The following LRRN3 variants were observed in gnomAD, a reference collection of about 807,000 sequenced individuals.
LRRN3 encodes the protein leucine-rich repeat neuronal protein 3.
LRRN3 carries 15 observed loss-of-function variants against 40.1 expected under a neutral mutation model. The ratio of observed to expected loss-of-function variants is 0.37; its 90% confidence interval spans 0.25 to 0.58. The LOEUF (loss-of-function observed/expected upper bound fraction) is 0.58. Ranked by LOEUF, LRRN3 falls within the 20% of genes least tolerant of loss-of-function variation. The pLI, the probability that LRRN3 is intolerant of heterozygous loss-of-function variation, is 0.72. For missense variants in LRRN3, 746 were observed against 837.7 expected, an observed-to-expected ratio of 0.89 and a Z score of 1.35; for synonymous variants, 308 against 297.2, an observed-to-expected ratio of 1.04 and a Z score of -0.37.
chr7:111,124,449 G>T lies in LRRN3; in HGVS notation c.1677G>T (p.Lys559Asn), dbSNP rs778004295. 2.5e-6 allele frequency: 4 copies of T among 1,613,724 alleles called. No individual in the cohort carries two copies. The highest frequency in any genetic ancestry group is 1.3e-5 in the African/African-American group (1 of 74,898). Residue 559 changes from lysine (K) to asparagine (N), a missense_variant, in exon 3 of 3, where the codon AAG becomes AAT. Physicochemically the swap from Lys to Asn is moderately conservative, Grantham distance 94. Coordinates refer to ENST00000308478, the MANE Select transcript of LRRN3 (RefSeq NM_001099658.2). The stretch of plus-strand genomic sequence containing the variant: ...GTGTTAAATGGACAGCCTTTGTCAA[G>T]ACTGAAAATTCTCATGCTGCGCAAA... ...KSSVKWTAFV[K>N]TENSHAAQSA...
Position 111,124,712 on chromosome 7 carries a change from G to A in LRRN3, c.1940G>A (p.Ser647Asn). Reference protein sequence around the residue: ...LGIIGVICLISCLSPEMNCDG... With the variant: ...LGIIGVICLINCLSPEMNCDG... ...ATTATTGGTGTGATATGTCTTATCA[G>A]CTGCCTCTCTCCAGAAATGAACTGT... The change falls in exon 3 of 3, where the codon AGC becomes AAC. Residue 647 changes from serine to asparagine, a missense_variant. Transcript: ENST00000308478. 3 of 1,613,892 alleles carry A rather than the reference G, an allele frequency of 1.9e-6. No individual in the cohort carries two copies. The highest frequency in any genetic ancestry group is 2.5e-6 in the Non-Finnish European group (3 of 1,179,976).
chr7:111,099,786 G>T (rs1189130867), intron 1 of LRRN3, 95 bp from the exon 2 acceptor site: 1 of 151,506 alleles, frequency 6.6e-6, no homozygotes, highest in Non-Finnish European at 1.5e-5. Context: ...TGTGAATCAT[G>T]AATAACCTAA....
At position 111,123,476 on chromosome 7, in the gene LRRN3, T is replaced by C. The variant is rs1800902412; in HGVS notation, c.704T>C (p.Leu235Pro). 4 of 1,613,744 alleles carry C rather than the reference T, an allele frequency of 2.5e-6. No individual in the cohort carries two copies. In the East Asian group the frequency reaches 8.9e-5, roughly 36 times the overall value. Residue 235 changes from leucine to proline, a missense_variant, in exon 3 of 3, where the codon CTG becomes CCG. Leu to Pro is a moderately conservative substitution (Grantham distance 98). Transcript: ENST00000308478. The surrounding 1 kb of genome is among the most constrained non-coding windows in gnomAD (Gnocchi z 6.4). ...ATACCAGATAACGCCTTGGTTGGAC[T>C]GGAAAACTTAGAAAGCATCTCTTTT... Reference protein sequence around the residue: ...TEIPDNALVGLENLESISFYD... With the variant: ...TEIPDNALVGPENLESISFYD...
intron 2 of LRRN3, among the ~76,000 whole-genome samples, chr7:111,120,645 T>C (rs1459050514): frequency 6.6e-6 from 1 of 152,208 alleles, no homozygotes; most frequent in Non-Finnish European, 1.5e-5. Context: ...ATGTTAATCT[T>C]GTGAACTTTA....
At chr7:111,110,103 C>G (rs1313502228) in intron 2 of LRRN3, among the ~76,000 whole-genome samples, 4 of 152,112 alleles carry the variant, frequency 2.6e-5, no homozygotes, top group African/African-American at 9.7e-5. Flanking sequence ...CCACTGCACT[C>G]CAGCCTAGGC....
chr7:111,116,575 G>T (rs1422478390), intron 2 of LRRN3, among the ~76,000 whole-genome samples: 1 of 152,028 alleles, frequency 6.6e-6, no homozygotes, highest in Non-Finnish European at 1.5e-5. Context: ...AATTTCACAG[G>T]ACATTAACAA....
At chr7:111,115,376 T>C (rs923111440) in intron 2 of LRRN3, among the ~76,000 whole-genome samples, 1 of 152,156 alleles carries the variant, frequency 6.6e-6, no homozygotes, top group Non-Finnish European at 1.5e-5. Context: ...AAGTGCTCAG[T>C]TGAGCAAAAT....
chr7:111,099,631 T>C (rs1447644348), intron 1 of LRRN3, among the ~76,000 whole-genome samples: 3 of 151,584 alleles, frequency 2.0e-5, no homozygotes, highest in Non-Finnish European at 4.4e-5. Context: ...TGCTGAGGAT[T>C]CCTCCAGTGA....
At chr7:111,111,309 A>T (rs1217476265) in intron 2 of LRRN3, among the ~76,000 whole-genome samples, 1 of 151,492 alleles carries the variant, frequency 6.6e-6, no homozygotes, top group African/African-American at 2.4e-5. Context: ...TAAAAAAAAA[A>T]AAAAAAAAAA....
At position 111,104,002 on chromosome 7, in the gene LRRN3, GA is replaced by G. The variant is rs1798263894; in HGVS notation, c.-359+4042del. On this transcript the variant is annotated intron_variant, in intron 2 of 2. Coordinates refer to ENST00000308478, the MANE Select transcript of LRRN3 (RefSeq NM_001099658.2). The stretch of plus-strand genomic sequence containing the variant: ...TAGGGTTAAATGTGGAACAAAATGG[GA>G]ACACTGAAAAGTGGTACTCCTGTAA... Among the ~76,000 whole-genome samples, 4 of 151,664 alleles carry G rather than the reference GA, an allele frequency of 2.6e-5. No individual in the cohort carries two copies. In the South Asian group the frequency reaches 8.3e-4, roughly 31 times the overall value.
chr7:111,105,787 GAAAT>G (rs951094994), intron 2 of LRRN3, among the ~76,000 whole-genome samples: 17 of 151,718 alleles, frequency 1.1e-4, no homozygotes, highest in African/African-American at 3.1e-4. Flanking sequence ...AAATATAAAA[GAAAT>G]AGATAGAGAT....
At chr7:111,115,538 TAAAG>T (rs1428841691) in intron 2 of LRRN3, among the ~76,000 whole-genome samples, 2 of 152,192 alleles carry the variant, frequency 1.3e-5, no homozygotes, top group Non-Finnish European at 2.9e-5. Context: ...AAGAAAATTA[TAAAG>T]AGAGATTTCT....
intron 2 of LRRN3, among the ~76,000 whole-genome samples, chr7:111,120,138 G>A (rs770979443): frequency 9.9e-5 from 15 of 152,146 alleles, no homozygotes; most frequent in Non-Finnish European, 2.2e-4. Flanking sequence ...TGTTGGAAAT[G>A]ATTATATTTC....
chr7:111,110,660 G>C (rs899324151), intron 2 of LRRN3, among the ~76,000 whole-genome samples: 2 of 152,064 alleles, frequency 1.3e-5, no homozygotes, highest in Admixed American at 6.5e-5. Flanking sequence ...ATAACTTAAA[G>C]TTCAAAGAAT....
At chr7:111,121,687 C>T (rs1405078031) in intron 2 of LRRN3, among the ~76,000 whole-genome samples, 1 of 152,106 alleles carries the variant, frequency 6.6e-6, no homozygotes, top group Non-Finnish European at 1.5e-5. Context: ...CCTCGGGGAT[C>T]TAGAACTAGA....
rs1800938432 is a variant in LRRN3 at position 111,123,740 on chromosome 7, C to A, written c.968C>A (p.Ser323Tyr). Residue 323 changes from serine to tyrosine, a missense_variant, in exon 3 of 3, where the codon TCT becomes TAT. Coordinates refer to ENST00000308478, the MANE Select transcript of LRRN3 (RefSeq NM_001099658.2). The surrounding 1 kb of genome is among the most constrained non-coding windows in gnomAD (Gnocchi z 6.4). ...GAAGCTACTAACAACCCTAGATTGT[C>A]TTACATTCACCCCAATGCATTTTTC... is the stretch of plus-strand genomic sequence containing the variant. ...KIEATNNPRL[S>Y]YIHPNAFFRL... 1 of 1,613,848 alleles carries A rather than the reference C, an allele frequency of 6.2e-7. No homozygotes were observed. The highest frequency in any genetic ancestry group is 8.5e-7 in the Non-Finnish European group (1 of 1,179,984).
intron 2 of LRRN3, among the ~76,000 whole-genome samples, chr7:111,104,852 T>C (rs892621028): frequency 6.6e-6 from 1 of 151,722 alleles, no homozygotes; most frequent in Non-Finnish European, 1.5e-5. Context: ...GAGAGGGTCA[T>C]GGCTTCTAGA....
chr7:111,093,956 T>C (rs527725939), intron 1 of LRRN3, among the ~76,000 whole-genome samples: 1 of 152,224 alleles, frequency 6.6e-6, no homozygotes, highest in South Asian at 2.1e-4. Flanking sequence ...GAGGTGGTGG[T>C]TGTTGTTGTT....
intron 1 of LRRN3, among the ~76,000 whole-genome samples, chr7:111,094,992 T>C (rs1275964412): frequency 6.6e-6 from 1 of 152,076 alleles, no homozygotes; most frequent in Non-Finnish European, 1.5e-5. Context: ...AGAAGTACAG[T>C]ACCTACAGGG....
Sources: gnomAD v4.1 joint callset for allele counts (sites outside exome capture counted in the v4.1 genomes callset) on GRCh38, gnomAD v4.1.1 for gene constraint, Gnocchi (gnomAD v3.1) non-coding constraint, MANE v1.5 for transcripts, NCBI Gene and HGNC (gene_info 2026-07-23, HGNC 2026-07-21) for gene names.